The following SDHC variants were observed in gnomAD, a reference collection of about 807,000 sequenced individuals.
SDHC encodes the protein succinate dehydrogenase complex subunit C.
Under a neutral mutation model 22.6 loss-of-function variants are expected in SDHC, and 11 were observed. The observed-to-expected ratio is 0.49, with a 90% CI of 0.31 to 0.81. The LOEUF (loss-of-function observed/expected upper bound fraction) is 0.81, where lower values mean the gene tolerates loss of function less well. Ranked by LOEUF, SDHC falls within the 30% of genes least tolerant of loss-of-function variation. The pLI, the probability that SDHC is intolerant of heterozygous loss-of-function variation, is 0.05. For synonymous variants in SDHC, 80 were observed against 77.8 expected (o/e 1.03, Z -0.15); for missense variants, 160 against 212.0 (o/e 0.75, Z 1.52).
chr1:161,363,150 A>T lies in SDHC; in HGVS notation c.*717A>T, dbSNP rs1343242724. The T allele has an allele frequency of 4.3e-6, 1 of 233,738 alleles. No individual in the cohort carries two copies. The highest frequency in any genetic ancestry group is 8.4e-6 in the Non-Finnish European group (1 of 118,510). The allele number at this position is 233,738 out of a possible 1,614,324, so 14.5% of individuals were successfully genotyped here. A position where few individuals can be genotyped will look rare whatever the true frequency, so the allele number is the denominator to read the frequency against. On this transcript the variant is annotated 3_prime_UTR_variant, in exon 6 of 6. Coordinates refer to ENST00000367975, the MANE Select transcript of SDHC (RefSeq NM_003001.5). ...TTATGCTTTCTCATCGAAGTAATGT[A>T]CCCTTTTTTTCTGAAACTGAATTAA... is the stretch of plus-strand genomic sequence containing the variant.
chr1:161,325,504 A>G (rs1336537316), intron 2 of SDHC, among the ~76,000 whole-genome samples: 1 of 151,922 alleles, frequency 6.6e-6, no homozygotes, highest in Non-Finnish European at 1.5e-5. Flanking sequence ...ACATGGTGAA[A>G]CCCCTTCTCT....
chr1:161,342,582 C>G (rs1671759908), intron 4 of SDHC, among the ~76,000 whole-genome samples: 1 of 151,230 alleles, frequency 6.6e-6, no homozygotes, highest in Admixed American at 6.6e-5. Flanking sequence ...AGCCTTGGCT[C>G]ACTGCAACCT....
intron 4 of SDHC, among the ~76,000 whole-genome samples, chr1:161,343,837 A>G (rs921009190): frequency 1.3e-5 from 2 of 152,180 alleles, no homozygotes; most frequent in Admixed American, 6.5e-5. Flanking sequence ...TGAAAAAAAG[A>G]TACTGACTTT....
At chr1:161,353,006 G>C (rs750807320) in intron 4 of SDHC, among the ~76,000 whole-genome samples, 1 of 152,078 alleles carries the variant, frequency 6.6e-6, no homozygotes, top group African/African-American at 2.4e-5. Context: ...AGAAAAAATT[G>C]GTGTGGGGGT....
chr1:161,324,243 A>G (rs1670964971), intron 2 of SDHC, among the ~76,000 whole-genome samples: 1 of 152,152 alleles, frequency 6.6e-6, no homozygotes. Context: ...AGCTGGGACC[A>G]CAAGCATGTG....
At chr1:161,356,398 G>A (rs913322862) in intron 4 of SDHC, among the ~76,000 whole-genome samples, 112 of 152,172 alleles carry the variant, frequency 7.4e-4, no homozygotes, top group African/African-American at 2.6e-3. Context: ...AATTAGCTGG[G>A]CGTTGTGGTG....
At chr1:161,317,320 G>A (rs939335160) in intron 1 of SDHC, among the ~76,000 whole-genome samples, 1 of 151,602 alleles carries the variant, frequency 6.6e-6, no homozygotes, top group African/African-American at 2.4e-5. Context: ...GAGCCACAAC[G>A]CTTGGCCTTT....
intron 4 of SDHC, among the ~76,000 whole-genome samples, chr1:161,342,534 G>C (rs908061791): frequency 2.0e-5 from 3 of 148,122 alleles, no homozygotes; most frequent in Non-Finnish European, 3.0e-5. Flanking sequence ...TTGAGACAGA[G>C]TTTCGCTCTT....
intron 3 of SDHC, among the ~76,000 whole-genome samples, chr1:161,339,268 G>C (rs1389145027): frequency 2.0e-5 from 3 of 151,930 alleles, no homozygotes; most frequent in Admixed American, 6.6e-5. Context: ...CTGCAGTCTG[G>C]AGTTCCTGGC....
chr1:161,344,097 T>G (rs1383581448), intron 4 of SDHC, among the ~76,000 whole-genome samples: 1 of 151,542 alleles, frequency 6.6e-6, no homozygotes, highest in Admixed American at 6.6e-5. Flanking sequence ...CCATCCTGGC[T>G]AACACGGTGA....
chr1:161,348,891 A>G (rs1443335597), intron 4 of SDHC, among the ~76,000 whole-genome samples: 3 of 119,350 alleles, frequency 2.5e-5, no homozygotes, highest in Non-Finnish European at 5.0e-5. Flanking sequence ...GAAAAAGTCT[A>G]TTTGACTTTT....
chr1:161,356,940 T>C, intron 5 of SDHC, 100 bp downstream of exon 5: 1 of 1,317,248 alleles, frequency 7.6e-7, no homozygotes, highest in Non-Finnish European at 1.1e-6. Context: ...TTCTTTTTTT[T>C]TTTTCCCAAG....
At chr1:161,356,610 A>T (rs952306692) in intron 4 of SDHC, 67 bp from the exon 5 acceptor site, 1 of 1,508,496 alleles carries the variant, frequency 6.6e-7, no homozygotes, top group African/African-American at 1.4e-5. Flanking sequence ...CAGGGGTCCC[A>T]GTTTTATGTA....
intron 1 of SDHC, among the ~76,000 whole-genome samples, chr1:161,317,418 A>G (rs1480244064): frequency 6.6e-6 from 1 of 151,954 alleles, no homozygotes; most frequent in Non-Finnish European, 1.5e-5. Flanking sequence ...GTACAACACG[A>G]TGTTTTGAAA....
chr1:161,359,052 T>C (rs897034125), intron 5 of SDHC, among the ~76,000 whole-genome samples: 1 of 151,366 alleles, frequency 6.6e-6, no homozygotes, highest in African/African-American at 2.4e-5. Flanking sequence ...GCCAAGATCA[T>C]GCCACTGCAC....
chr1:161,317,120 G>A (rs906548051), intron 1 of SDHC, among the ~76,000 whole-genome samples: 2 of 151,442 alleles, frequency 1.3e-5, no homozygotes, highest in Non-Finnish European at 2.9e-5. Context: ...CCGGGTTCAA[G>A]CATTTCTCCT....
At chr1:161,331,841 C>T (rs770258590) in intron 3 of SDHC, among the ~76,000 whole-genome samples, 34 of 150,892 alleles carry the variant, frequency 2.3e-4, no homozygotes, top group African/African-American at 7.8e-4. Context: ...GTGATCTGCC[C>T]GCCCTGGCCT....
chr1:161,319,591 G>A (rs1345218908), intron 1 of SDHC, among the ~76,000 whole-genome samples: 1 of 151,800 alleles, frequency 6.6e-6, no homozygotes, highest in African/African-American at 2.4e-5. Flanking sequence ...GCATTACAGG[G>A]GTGTGCCAGT....
intron 4 of SDHC, among the ~76,000 whole-genome samples, chr1:161,344,353 T>A (rs1389734215): frequency 6.6e-6 from 1 of 151,590 alleles, no homozygotes; most frequent in Non-Finnish European, 1.5e-5. Flanking sequence ...TCTCAGCTAC[T>A]AGGGAGGCTG....
Sources: allele counts gnomAD v4.1 joint callset (sites outside exome capture counted in the v4.1 genomes callset), GRCh38; gene constraint gnomAD v4.1.1; transcripts MANE v1.5; gene names NCBI Gene and HGNC (gene_info 2026-07-23, HGNC 2026-07-21).